ACACA: variants seen among roughly 807,000 people sequenced by gnomAD.
ACACA encodes acetyl-CoA carboxylase 1.
A neutral mutation model predicts 296.1 loss-of-function variants in ACACA; 103 were observed. The ratio of observed to expected loss-of-function variants is 0.35; its 90% CI spans 0.30 to 0.41. The LOEUF (loss-of-function observed/expected upper bound fraction) is 0.41. ACACA is among the 10% of genes least tolerant of loss of function. ACACA has a pLI of 1.00. For missense variants in ACACA, 1,554 were observed against 2,989.7 expected (o/e 0.52, Z 11.20); for synonymous variants, 953 against 1,038.6 (o/e 0.92, Z 1.58).
intron 10 of ACACA, among the ~76,000 whole-genome samples, chr17:37,266,467 TA>T (rs375178618): frequency 3.1e-3 from 429 of 138,960 alleles, no homozygotes; most frequent in East Asian, 2.9e-3. Context: ...CTGAAAGCAT[TA>T]AAAAAAAAAA....
intron 1 of ACACA, among the ~76,000 whole-genome samples, chr17:37,363,177 T>C (rs1233042142): frequency 1.5e-5 from 2 of 136,420 alleles, no homozygotes; most frequent in Non-Finnish European, 3.0e-5. Flanking sequence ...CTTTCTCTTT[T>C]TCTTTTTTTT....
At chr17:37,110,102 A>AG (rs2073902447) in intron 52 of ACACA, among the ~76,000 whole-genome samples, 1 of 152,236 alleles carries the variant, frequency 6.6e-6, no homozygotes, top group Admixed American at 6.5e-5. Flanking sequence ...AGAAAAAGGA[A>AG]GAAAAAAAGG....
chr17:37,220,522 G>A lies in ACACA; in HGVS notation c.3683+1202C>T, dbSNP rs112452967. Among the ~76,000 whole-genome samples the A allele has an allele frequency of 5.9e-5, 9 of 152,256 alleles. No individual in the cohort carries two copies. In the East Asian group the frequency reaches 1.5e-3, roughly 26 times the overall value. ...CTATGTGTGCCATGAGTACTTCGCC[G>A]CTCACTGAAGGACAACCATTCGTTT... On this transcript the variant is annotated intron_variant, in intron 29 of 55. Transcript: ENST00000616317.
At chr17:37,112,137 C>G (rs2074009741) in intron 51 of ACACA, among the ~76,000 whole-genome samples, 1 of 151,994 alleles carries the variant, frequency 6.6e-6, no homozygotes, top group African/African-American at 2.4e-5. Context: ...ATCAGACACA[C>G]TAAGCCAGGC....
intron 4 of ACACA, among the ~76,000 whole-genome samples, chr17:37,284,522 A>C (rs1423811228): frequency 6.6e-6 from 1 of 152,218 alleles, no homozygotes; most frequent in African/African-American, 2.4e-5. Flanking sequence ...AGCTCACTGC[A>C]ACCTTGAACT....
At chr17:37,342,436 AATATATATAT>A (rs1295176626) in intron 1 of ACACA, among the ~76,000 whole-genome samples, 7 of 58,208 alleles carry the variant, frequency 1.2e-4, no homozygotes, top group Non-Finnish European at 8.7e-5. Context: ...AAAAAAAAAA[AATATATATAT>A]ATATATATAT....
At chr17:37,233,384 A>C (rs2079955865) in intron 25 of ACACA, among the ~76,000 whole-genome samples, 1 of 152,238 alleles carries the variant, frequency 6.6e-6, no homozygotes, top group South Asian at 2.1e-4. Context: ...AAAAGGAGCG[A>C]GCTGAGCCCC....
chr17:37,151,355 T>C lies in ACACA; in HGVS notation c.5514A>G (p.Gly1838=), dbSNP rs1240167508. The C allele has an allele frequency of 1.2e-6, 2 of 1,614,046 alleles. No individual in the cohort carries two copies. Among genetic ancestry groups the C allele is most frequent in the Admixed American group, 1.7e-5 (1 of 60,022 alleles). ...GIGPENLRGS[G]MIAGESSLAY... ...CCAATGAGGATTCTCCAGCAATCAT[T>C]CCAGAACCTCGAAGGTTCTCGGGTC... is the stretch of plus-strand genomic sequence containing the variant. Residue 1838 remains glycine, a synonymous_variant, in exon 44 of 56, where the codon GGA becomes GGG. Coordinates refer to ENST00000616317, the MANE Select transcript of ACACA (RefSeq NM_198834.3).
chr17:37,220,027 A>C (rs549036636), intron 29 of ACACA, among the ~76,000 whole-genome samples: 1 of 152,332 alleles, frequency 6.6e-6, no homozygotes, highest in South Asian at 2.1e-4. Context: ...CTGACAACCA[A>C]GGGAGACTTC....
chr17:37,383,730 G>C (rs1408866516), intron 1 of ACACA, among the ~76,000 whole-genome samples: 1 of 152,116 alleles, frequency 6.6e-6, no homozygotes, highest in African/African-American at 2.4e-5. Flanking sequence ...TTTTAGTAGA[G>C]ATAGGGTTTT....
intron 1 of ACACA, among the ~76,000 whole-genome samples, chr17:37,367,427 T>G (rs899686402): frequency 2.0e-5 from 3 of 152,152 alleles, no homozygotes; most frequent in Admixed American, 1.3e-4. Context: ...ACCTTCTCTG[T>G]GCTCTGTATT....
intron 45 of ACACA, among the ~76,000 whole-genome samples, chr17:37,147,171 A>G (rs7221916): frequency 0.072 from 10,899 of 152,198 alleles, 852 homozygotes; most frequent in African/African-American, 0.19. Flanking sequence ...GACTGTATAT[A>G]AGCTTGCATG....
At chr17:37,191,064 T>A in intron 38 of ACACA, 56 bp downstream of exon 38, 1 of 1,594,078 alleles carries the variant, frequency 6.3e-7, no homozygotes, top group Non-Finnish European at 8.6e-7. Flanking sequence ...TAAATATGAA[T>A]GAACTTCTGT....
Position 37,113,067 on chromosome 17 carries a change from G to C in ACACA, c.6452+21C>G. The C allele has an allele frequency of 1.2e-6, 2 of 1,613,868 alleles. No homozygotes were observed. Among genetic ancestry groups the C allele is most frequent in the Non-Finnish European group, 1.7e-6 (2 of 1,179,962 alleles). ...ACAGGGTCCCTAAAGGCAGTGAATG[G>C]AAATGTGGAAGGCACGCTACCTGCT... is the stretch of plus-strand genomic sequence containing the variant. On this transcript the variant is annotated intron_variant, in intron 51 of 55. Coordinates refer to ENST00000616317, the MANE Select transcript of ACACA (RefSeq NM_198834.3). The surrounding 1 kb of genome is among the most constrained non-coding windows in gnomAD (Gnocchi z 4.0).
chr17:37,329,548 G>A (rs912514369), intron 3 of ACACA, among the ~76,000 whole-genome samples: 2 of 151,892 alleles, frequency 1.3e-5, no homozygotes, highest in African/African-American at 4.8e-5. Flanking sequence ...GGCTGAGGCA[G>A]GAGAATCTCT....
chr17:37,185,402 C>CTTTTTTTTTTTT lies in ACACA; in HGVS notation c.4776+2863_4776+2874dup, dbSNP rs67821579. Among the ~76,000 whole-genome samples, 63 of 48,438 alleles carry CTTTTTTTTTTTT rather than the reference C, an allele frequency of 1.3e-3. 12 individuals carry two copies. The highest frequency in any genetic ancestry group is 5.5e-3 in the African/African-American group (60 of 10,846). The allele number at this position is 48,438 out of a possible 152,430, so 31.8% of individuals were successfully genotyped here. On this transcript the variant is annotated intron_variant, in intron 39 of 55. Transcript: ENST00000616317. ...TGCATGACACCATGCCTGGCTATTTCTTTTTTTTTTTTTTTTTTTTTTTTT... is the reference window on the plus strand; with the variant it reads ...TGCATGACACCATGCCTGGCTATTTCTTTTTTTTTTTTTTTTTTTTTTTTTTTTTTTTTTTTT...
intron 41 of ACACA, among the ~76,000 whole-genome samples, chr17:37,178,785 A>G (rs1345686412): frequency 6.6e-6 from 1 of 152,188 alleles, no homozygotes; most frequent in Non-Finnish European, 1.5e-5. Context: ...TGTGTGACAG[A>G]GCGAGACACC....
At chr17:37,334,706 T>C (rs1362951973) in intron 2 of ACACA, among the ~76,000 whole-genome samples, 2 of 152,008 alleles carry the variant, frequency 1.3e-5, no homozygotes, top group Non-Finnish European at 2.9e-5. Flanking sequence ...ACTGTTCTCT[T>C]ACCCCCTTTC....
intron 11 of ACACA, among the ~76,000 whole-genome samples, chr17:37,262,411 T>C (rs2081556618): frequency 6.6e-6 from 1 of 152,176 alleles, no homozygotes; most frequent in East Asian, 1.9e-4. Flanking sequence ...TAATCTTGTG[T>C]GAGTTAGCTT....
Sources: allele counts gnomAD v4.1 joint callset (sites outside exome capture counted in the v4.1 genomes callset), GRCh38; gene constraint gnomAD v4.1.1; non-coding constraint Gnocchi (gnomAD v3.1); transcripts MANE v1.5; gene names NCBI Gene and HGNC (gene_info 2026-07-23, HGNC 2026-07-21).